The following TBC1D5 variants were observed in gnomAD, a reference collection of about 807,000 sequenced individuals.
The protein encoded by TBC1D5 is TBC1 domain family, member 5.
In TBC1D5, 75 loss-of-function variants were observed where a neutral mutation model predicts 100.3. The ratio of observed to expected loss-of-function variants is 0.75; its 90% confidence interval spans 0.62 to 0.91. TBC1D5 has a LOEUF of 0.91. TBC1D5 is among the 40% of genes least tolerant of loss of function. TBC1D5 has a pLI of 0.00. For synonymous variants in TBC1D5, 323 were observed against 325.6 expected (o/e 0.99, Z 0.09); for missense variants, 910 against 942.4 (o/e 0.97, Z 0.45).
intron 2 of TBC1D5, among the ~76,000 whole-genome samples, chr3:17,512,329 A>G (rs952304520): frequency 1.3e-5 from 2 of 152,132 alleles, no homozygotes; most frequent in Non-Finnish European, 2.9e-5. Context: ...AAAAATTTTT[A>G]AACAATCACT....
At chr3:17,471,926 A>T (rs2150139807) in intron 3 of TBC1D5, among the ~76,000 whole-genome samples, 1 of 152,198 alleles carries the variant, frequency 6.6e-6, no homozygotes, top group South Asian at 2.1e-4. Flanking sequence ...CGGTCAGAAC[A>T]TGAGCAGAGT....
intron 2 of TBC1D5, among the ~76,000 whole-genome samples, chr3:17,588,675 T>A (rs1263219932): frequency 6.6e-6 from 1 of 152,140 alleles, no homozygotes; most frequent in Non-Finnish European, 1.5e-5. Context: ...TTAGGATAGA[T>A]GAAAACCAAA....
At position 17,317,820 on chromosome 3, in the gene TBC1D5, G is replaced by A. The variant is rs9836947; in HGVS notation, c.996-9686C>T. 2.2e-3 allele frequency among the ~76,000 whole-genome samples: 332 copies of A among 152,170 alleles called. 2 individuals are homozygous for A. Among genetic ancestry groups the A allele is most frequent in the African/African-American group, 3.3e-3 (139 of 41,520 alleles). On this transcript the variant is annotated intron_variant, in intron 13 of 21. Transcript: ENST00000253692. ...CAACCATTGTGGAAGTCGGTGTGGCGATTCCTCAGGGATCTAGAACTAGAA... is the reference window on the plus strand; with the variant it reads ...CAACCATTGTGGAAGTCGGTGTGGCAATTCCTCAGGGATCTAGAACTAGAA...
In TBC1D5 at chr3:17,679,424, A is replaced by T. The variant is rs145540945; in HGVS notation, c.-100-55511T>A. 1.3e-3 allele frequency among the ~76,000 whole-genome samples: 192 copies of T among 151,662 alleles called. 11 individuals are homozygous for T. The highest frequency in any genetic ancestry group is 4.5e-3 in the African/African-American group (185 of 40,976). On this transcript the variant is annotated intron_variant, in intron 1 of 21. Transcript: ENST00000253692. The stretch of plus-strand genomic sequence containing the variant: ...CGCATTTATTATTATTATTCTAAAA[A>T]ATGAAACTTCAATATTCAAAATGAC...
chr3:17,543,104 C>T (rs748597377), intron 2 of TBC1D5, among the ~76,000 whole-genome samples: 3 of 149,338 alleles, frequency 2.0e-5, no homozygotes, highest in African/African-American at 5.0e-5. Context: ...TACTATATAG[C>T]GGAAGGGAAA....
intron 13 of TBC1D5, among the ~76,000 whole-genome samples, chr3:17,322,301 T>A (rs1469248442): frequency 6.6e-6 from 1 of 152,252 alleles, no homozygotes; most frequent in Non-Finnish European, 1.5e-5. Flanking sequence ...TGTTTCTGTT[T>A]CCTTTGCATT....
At chr3:17,544,771 T>C (rs1262625904) in intron 2 of TBC1D5, among the ~76,000 whole-genome samples, 1 of 151,970 alleles carries the variant, frequency 6.6e-6, no homozygotes, top group Non-Finnish European at 1.5e-5. Context: ...GAATATAATA[T>C]TATTTTCTTT....
intron 15 of TBC1D5, among the ~76,000 whole-genome samples, chr3:17,261,485 G>T (rs557687727): frequency 1.0e-4 from 15 of 148,742 alleles, no homozygotes; most frequent in Admixed American, 3.4e-4. Context: ...GGGGTGGGGT[G>T]GGGGGGGAGA....
chr3:17,300,614 A>T (rs2082722894), intron 14 of TBC1D5, among the ~76,000 whole-genome samples: 1 of 152,210 alleles, frequency 6.6e-6, no homozygotes, highest in Non-Finnish European at 1.5e-5. Context: ...TCCCTATCAA[A>T]AACAGAGGAA....
intron 1 of TBC1D5, among the ~76,000 whole-genome samples, chr3:17,633,349 T>C (rs781054580): frequency 2.6e-5 from 4 of 151,888 alleles, no homozygotes; most frequent in East Asian, 1.9e-4. Flanking sequence ...TGAGGGAGAA[T>C]TGCTGGAACC....
chr3:17,478,410 T>C (rs1005575952), intron 3 of TBC1D5, among the ~76,000 whole-genome samples: 3 of 152,184 alleles, frequency 2.0e-5, no homozygotes, highest in Non-Finnish European at 4.4e-5. Context: ...AGTGGCAACA[T>C]AGTAATACTG....
At chr3:17,621,192 T>C (rs1007205943) in intron 2 of TBC1D5, among the ~76,000 whole-genome samples, 6 of 152,090 alleles carry the variant, frequency 3.9e-5, no homozygotes, top group Non-Finnish European at 8.8e-5. Context: ...TAAAAAAAAA[T>C]GCAGATGTAT....
intron 13 of TBC1D5, among the ~76,000 whole-genome samples, chr3:17,334,837 TG>T (rs1368654957): frequency 1.3e-5 from 2 of 152,152 alleles, no homozygotes; most frequent in Non-Finnish European, 2.9e-5. Flanking sequence ...TAATTGCAGT[TG>T]AGAACTTTTT....
At chr3:17,641,581 C>T (rs534073119) in intron 1 of TBC1D5, among the ~76,000 whole-genome samples, 6 of 152,222 alleles carry the variant, frequency 3.9e-5, no homozygotes, top group Admixed American at 6.6e-5. Flanking sequence ...TCATTTGCTA[C>T]GCACCTTCCT....
At chr3:17,387,237 A>G (rs981240442) in intron 8 of TBC1D5, among the ~76,000 whole-genome samples, 4 of 152,144 alleles carry the variant, frequency 2.6e-5, no homozygotes, top group Non-Finnish European at 5.9e-5. Context: ...GTCTTTGGAG[A>G]TTATCCAGTC....
intron 18 of TBC1D5, among the ~76,000 whole-genome samples, chr3:17,187,414 A>G (rs982822064): frequency 3.9e-5 from 6 of 152,236 alleles, no homozygotes; most frequent in East Asian, 1.9e-4. Context: ...AAGAGGGCAC[A>G]TGAGAAGCTC....
chr3:17,166,415 G>T (rs2733483), intron 21 of TBC1D5, among the ~76,000 whole-genome samples: 4 of 152,048 alleles, frequency 2.6e-5, no homozygotes, highest in East Asian at 1.9e-4. Context: ...CTTCCTAAAG[G>T]GGAAAAGAGG....
At chr3:17,382,708 G>GCACCAC (rs1464306746) in intron 9 of TBC1D5, among the ~76,000 whole-genome samples, 1 of 151,770 alleles carries the variant, frequency 6.6e-6, no homozygotes, top group African/African-American at 2.4e-5. Context: ...CTATACGTGT[G>GCACCAC]CACCACCATG....
intron 17 of TBC1D5, among the ~76,000 whole-genome samples, chr3:17,236,933 G>A (rs1391362068): frequency 1.3e-5 from 2 of 152,140 alleles, no homozygotes; most frequent in African/African-American, 4.8e-5. Flanking sequence ...GTGTGCATGT[G>A]TGTGTACACA....
Sources: allele counts gnomAD v4.1 joint callset (sites outside exome capture counted in the v4.1 genomes callset), GRCh38; gene constraint gnomAD v4.1.1; transcripts MANE v1.5; gene names NCBI Gene and HGNC (gene_info 2026-07-23, HGNC 2026-07-21).